FRMPD4: variants seen among roughly 807,000 people sequenced by gnomAD.
FRMPD4 encodes the protein FERM and PDZ domain-containing protein 4.
FRMPD4 carries 22 observed loss-of-function variants against 94.1 expected under a neutral mutation model. That is an observed-to-expected ratio of 0.23 (90% CI 0.17 to 0.33). FRMPD4 has a LOEUF of 0.33. Among genes scored for constraint, FRMPD4 ranks in the 10% least tolerant of loss-of-function variants. The pLI, the probability that FRMPD4 is intolerant of heterozygous loss-of-function variation, is 1.00. For missense variants in FRMPD4, 1,111 were observed against 1,339.9 expected (o/e 0.83, Z 2.67); for synonymous variants, 631 against 548.6 (o/e 1.15, Z -2.10).
In FRMPD4 at chrX:12,723,006, A is replaced by G. The variant is rs2042268019; in HGVS notation, c.*1148A>G. Reference sequence around the variant, plus strand: ...ACTGGGACAAAATCTCAAATCTTGGATGTTCCAGAAAATCAGGGAGAGATG... The same window carrying G: ...ACTGGGACAAAATCTCAAATCTTGGGTGTTCCAGAAAATCAGGGAGAGATG... On this transcript the variant is annotated 3_prime_UTR_variant, in exon 17 of 17. Coordinates refer to ENST00000675598, the MANE Select transcript of FRMPD4 (RefSeq NM_001368397.1). 9.0e-6 allele frequency: 1 copy of G among 111,178 alleles called. No individual in the cohort carries two copies. The highest frequency in any genetic ancestry group is 1.9e-5 in the Non-Finnish European group (1 of 53,060). The allele number at this position is 111,178 out of a possible 1,213,427, so 9.2% of individuals were successfully genotyped here. A position where few individuals can be genotyped will look rare whatever the true frequency, so the allele number is the denominator to read the frequency against.
intron 14 of FRMPD4, among the ~76,000 whole-genome samples, chrX:12,711,250 G>A (rs1426671384): frequency 1.8e-5 from 2 of 111,755 alleles, no homozygotes; most frequent in Non-Finnish European, 3.8e-5. Context: ...CTAGGCCCGG[G>A]TGTCTGGGAG....
chrX:12,106,205 A>G (rs2147515352), intron 3 of FRMPD4, among the ~76,000 whole-genome samples: 1 of 112,448 alleles, frequency 8.9e-6, no homozygotes, highest in South Asian at 3.7e-4. Flanking sequence ...GTACCATAGC[A>G]TCTCAAGCCC....
At chrX:12,075,259 T>A (rs2055003671) in intron 3 of FRMPD4, among the ~76,000 whole-genome samples, 1 of 110,502 alleles carries the variant, frequency 9.0e-6, no homozygotes. Flanking sequence ...ATGGGCTCTG[T>A]GTGATAATGT....
At chrX:12,063,021 A>C (rs2054895732) in intron 3 of FRMPD4, among the ~76,000 whole-genome samples, 1 of 112,110 alleles carries the variant, frequency 8.9e-6, no homozygotes, top group African/African-American at 3.2e-5. Flanking sequence ...TGCTTCTAAT[A>C]TTCTATCACC....
At chrX:12,683,252 C>T (rs1290100077) in intron 5 of FRMPD4, among the ~76,000 whole-genome samples, 3 of 112,087 alleles carry the variant, frequency 2.7e-5, no homozygotes, top group Non-Finnish European at 5.6e-5. Context: ...TCAGTTAAAA[C>T]ATGGAACATA....
At chrX:12,349,922 T>G (rs1188449410) in intron 1 of FRMPD4, among the ~76,000 whole-genome samples, 1 of 111,620 alleles carries the variant, frequency 9.0e-6, no homozygotes, top group Admixed American at 9.5e-5. Flanking sequence ...AATGCAATGA[T>G]GAAAAACCCA....
At chrX:12,159,595 A>C (rs750117929) in intron 1 of FRMPD4, among the ~76,000 whole-genome samples, 5 of 112,337 alleles carry the variant, frequency 4.5e-5, no homozygotes, top group African/African-American at 1.6e-4. Context: ...CTTTTATAGA[A>C]GTCTGGCAGT....
At chrX:12,395,234 T>C (rs757984176) in intron 1 of FRMPD4, among the ~76,000 whole-genome samples, 3 of 112,104 alleles carry the variant, frequency 2.7e-5, no homozygotes, top group Non-Finnish European at 5.6e-5. Flanking sequence ...CACTGGGGAA[T>C]TGTGAACTGT....
intron 3 of FRMPD4, among the ~76,000 whole-genome samples, chrX:12,047,907 G>A (rs1236176801): frequency 8.9e-6 from 1 of 112,518 alleles, no homozygotes. Flanking sequence ...CTGTTGACAG[G>A]CACCTAGGTT....
At chrX:12,068,844 G>C (rs1357164976) in intron 3 of FRMPD4, among the ~76,000 whole-genome samples, 1 of 112,282 alleles carries the variant, frequency 8.9e-6, no homozygotes. Flanking sequence ...GTGAATATTT[G>C]TTGAGTGTCT....
chrX:12,164,805 A>C (rs1435794410), intron 1 of FRMPD4, among the ~76,000 whole-genome samples: 1 of 112,595 alleles, frequency 8.9e-6, no homozygotes, highest in Non-Finnish European at 1.9e-5. Flanking sequence ...GCCAGTGATG[A>C]CAAGCATTTT....
intron 1 of FRMPD4, among the ~76,000 whole-genome samples, chrX:12,193,752 C>G (rs866123051): frequency 3.6e-4 from 6 of 16,491 alleles, no homozygotes; most frequent in African/African-American, 2.0e-3. Context: ...CCGAAAGAAA[C>G]AGAAAGAAAG....
chrX:12,164,050 TTTA>T (rs1466842523), intron 1 of FRMPD4, among the ~76,000 whole-genome samples: 1 of 111,531 alleles, frequency 9.0e-6, no homozygotes, highest in African/African-American at 3.3e-5. Context: ...TAGTTTTTTT[TTTA>T]TTATTATTAT....
At chrX:11,857,676 C>A (rs1040215342) in intron 1 of FRMPD4, among the ~76,000 whole-genome samples, 1 of 112,801 alleles carries the variant, frequency 8.9e-6, no homozygotes, top group Non-Finnish European at 1.9e-5. Context: ...CATGACAATG[C>A]TAAAAGCAAT....
In FRMPD4 at chrX:12,266,132, CAAAAAAAAAAAAAAAAAAA is replaced by C. The variant is rs3990340; in HGVS notation, c.41+127131_41+127149del. Among the ~76,000 whole-genome samples the C allele has an allele frequency of 6.0e-3, 155 of 25,757 alleles. 1 individual carries two copies. The highest frequency in any genetic ancestry group is 0.021 in the African/African-American group (147 of 6,968). The allele number at this position is 25,757 out of a possible 115,157, so 22.4% of individuals were successfully genotyped here. ...TGGGCGACACAGCGAGACTCCGTCT[CAAAAAAAAAAAAAAAAAAA>C]AAAAAAAAAAGAGAAAACAAAAAAT... On this transcript the variant is annotated intron_variant, in intron 1 of 16. Coordinates refer to ENST00000675598, the MANE Select transcript of FRMPD4 (RefSeq NM_001368397.1).
chrX:12,572,134 CT>C (rs901913851), intron 2 of FRMPD4, among the ~76,000 whole-genome samples: 9 of 112,378 alleles, frequency 8.0e-5, no homozygotes, highest in Non-Finnish European at 1.5e-4. Flanking sequence ...TTATATACCG[CT>C]TTGGGAGGTT....
chrX:12,671,905 A>C (rs1378758499), intron 4 of FRMPD4, among the ~76,000 whole-genome samples: 1 of 111,531 alleles, frequency 9.0e-6, no homozygotes, highest in African/African-American at 3.3e-5. Flanking sequence ...TCCCATAAAC[A>C]TATTGAACAG....
At chrX:12,346,329 G>T in intron 1 of FRMPD4, among the ~76,000 whole-genome samples, 1 of 110,254 alleles carries the variant, frequency 9.1e-6, no homozygotes, top group Non-Finnish European at 1.9e-5. Context: ...GGAGAGGAAG[G>T]CAGAGTCCAA....
intron 1 of FRMPD4, among the ~76,000 whole-genome samples, chrX:12,263,510 T>C (rs1254955075): frequency 8.9e-6 from 1 of 111,866 alleles, no homozygotes; most frequent in Non-Finnish European, 1.9e-5. Flanking sequence ...GGCATTGGTG[T>C]GACATGAGCT....
Sources: allele counts gnomAD v4.1 joint callset (sites outside exome capture counted in the v4.1 genomes callset), GRCh38; gene constraint gnomAD v4.1.1; transcripts MANE v1.5; gene names NCBI Gene and HGNC (gene_info 2026-07-23, HGNC 2026-07-21).